Variants in ACER3 observed in about 807,000 individuals in gnomAD.
ACER3 encodes the protein alkaline ceramidase 3, also known as alkCDase 3.
ACER3 carries 16 observed loss-of-function variants against 48.9 expected under a neutral mutation model. The ratio of observed to expected loss-of-function variants is 0.33; its 90% CI spans 0.22 to 0.50. The LOEUF (loss-of-function observed/expected upper bound fraction) is 0.50. ACER3 is among the 20% of genes least tolerant of loss of function. The pLI, the probability that ACER3 is intolerant of heterozygous loss-of-function variation, is 0.98. For missense variants in ACER3, 227 were observed against 326.0 expected (o/e 0.70, Z 2.34); for synonymous variants, 109 against 107.8 (o/e 1.01, Z -0.07).
At chr11:76,900,290 C>G (rs905066179) in intron 1 of ACER3, among the ~76,000 whole-genome samples, 1 of 152,120 alleles carries the variant, frequency 6.6e-6, no homozygotes, top group African/African-American at 2.4e-5. Context: ...GGTCCTGTCT[C>G]AGGGGTGGCA....
At chr11:76,881,144 G>T (rs1945514444) in intron 1 of ACER3, among the ~76,000 whole-genome samples, 1 of 151,776 alleles carries the variant, frequency 6.6e-6, no homozygotes. Context: ...AGTCCCAGCT[G>T]CTTGGGAGGC....
rs1949471434 is a variant in ACER3, at chr11:77,021,483, A to C, written c.*1156A>C. ...CTAATTTGCATTTGAATGTATAACA[A>C]ATTGCATCACTTTTCACAAACTTAA... is the stretch of plus-strand genomic sequence containing the variant. On this transcript the variant is annotated 3_prime_UTR_variant, in exon 11 of 11. Transcript: ENST00000532485. The C allele has an allele frequency of 6.6e-6, 1 of 152,182 alleles. No homozygotes were observed. Among genetic ancestry groups the C allele is most frequent in the Admixed American group, 6.5e-5 (1 of 15,280 alleles). The allele number at this position is 152,182 out of a possible 1,614,324, so 9.4% of individuals were successfully genotyped here.
chr11:76,885,865 C>T lies in ACER3; in HGVS notation c.103+24786C>T, dbSNP rs182168765. On this transcript the variant is annotated intron_variant, in intron 1 of 10. Transcript: ENST00000532485. The stretch of plus-strand genomic sequence containing the variant: ...AGCAATTCCACCAGGGTAAGCAAGG[C>T]CCCAGATGCCAAAGCGTAAAATACA... Among the ~76,000 whole-genome samples, 3 of 152,200 alleles carry T rather than the reference C, an allele frequency of 2.0e-5. No individual in the cohort carries two copies. The East Asian group carries it at 5.8e-4, about 29-fold the overall frequency.
chr11:76,886,696 T>C (rs1945680440), intron 1 of ACER3, among the ~76,000 whole-genome samples: 1 of 152,172 alleles, frequency 6.6e-6, no homozygotes, highest in Non-Finnish European at 1.5e-5. Context: ...TGTTATTGTT[T>C]TTGAGACAGA....
intron 2 of ACER3, among the ~76,000 whole-genome samples, chr11:76,936,440 T>G (rs1313456128): frequency 2.6e-5 from 4 of 152,114 alleles, no homozygotes; most frequent in Non-Finnish European, 4.4e-5. Context: ...TTCCAACTAC[T>G]AGGAGAAAAC....
chr11:76,932,445 GA>G (rs1947032091), intron 2 of ACER3, among the ~76,000 whole-genome samples: 1 of 152,204 alleles, frequency 6.6e-6, no homozygotes, highest in Non-Finnish European at 1.5e-5. Flanking sequence ...TGCATTTTAA[GA>G]AAGTTACTTG....
At position 76,872,905 on chromosome 11, in the gene ACER3, C is replaced by CTTTT. The variant is rs756362938; in HGVS notation, c.103+11828_103+11831dup. 8.1e-4 allele frequency among the ~76,000 whole-genome samples: 77 copies of CTTTT among 94,566 alleles called. 8 individuals carry two copies. The highest frequency in any genetic ancestry group is 1.6e-3 in the African/African-American group (39 of 23,732). The allele number at this position is 94,566 out of a possible 152,430, so 62.0% of individuals were successfully genotyped here. A position where few individuals can be genotyped will look rare whatever the true frequency, so the allele number is the denominator to read the frequency against. ...TCTTTTCTTTCTTTCTTTCTTTTTT[C>CTTTT]TTTTTCTTTTTTTTTTTTTTTTTTG... On this transcript the variant is annotated intron_variant, in intron 1 of 10. Coordinates refer to ENST00000532485, the MANE Select transcript of ACER3 (RefSeq NM_018367.7).
chr11:76,947,191 C>T (rs1258394232), intron 2 of ACER3, among the ~76,000 whole-genome samples: 1 of 152,168 alleles, frequency 6.6e-6, no homozygotes, highest in East Asian at 1.9e-4. Flanking sequence ...TCCCTCTTTT[C>T]CTTCACAGTG....
At chr11:76,996,425 TA>T (rs199595977) in intron 6 of ACER3, among the ~76,000 whole-genome samples, 16 of 140,586 alleles carry the variant, frequency 1.1e-4, no homozygotes, top group African/African-American at 3.2e-4. Flanking sequence ...TTATTATTAT[TA>T]TTATTTTTTG....
At chr11:77,011,751 A>G (rs181833541) in intron 7 of ACER3, among the ~76,000 whole-genome samples, 265 of 152,330 alleles carry the variant, frequency 1.7e-3, no homozygotes, top group African/African-American at 5.9e-3. Context: ...GCCATTCACC[A>G]TATTTAAAAA....
intron 7 of ACER3, among the ~76,000 whole-genome samples, chr11:77,014,315 T>C (rs1949325320): frequency 6.6e-6 from 1 of 152,216 alleles, no homozygotes; most frequent in Non-Finnish European, 1.5e-5. Context: ...TATCACTCCT[T>C]ATCAGGCCTT....
chr11:76,996,653 C>G (rs924746632), intron 6 of ACER3, among the ~76,000 whole-genome samples: 1 of 151,270 alleles, frequency 6.6e-6, no homozygotes, highest in Non-Finnish European at 1.5e-5. Context: ...CTCCTAACCT[C>G]AGGTGATCCA....
intron 1 of ACER3, among the ~76,000 whole-genome samples, chr11:76,908,928 G>C (rs1482485044): frequency 3.3e-5 from 5 of 151,552 alleles, no homozygotes; most frequent in South Asian, 2.1e-4. Context: ...CAGATATATA[G>C]ACCAATGGAA....
chr11:76,970,895 A>G (rs1289515494), intron 3 of ACER3, among the ~76,000 whole-genome samples: 2 of 152,116 alleles, frequency 1.3e-5, no homozygotes, highest in African/African-American at 4.8e-5. Context: ...ACTCCCTCCA[A>G]CAACCCCTGA....
Position 76,986,549 on chromosome 11 carries a change from A to G in ACER3, c.402+825A>G, listed in dbSNP as rs753710890. Among the ~76,000 whole-genome samples the G allele has an allele frequency of 4.1e-4, 62 of 152,342 alleles. 1 individual carries two copies. The highest frequency in any genetic ancestry group is 7.1e-4 in the Non-Finnish European group (48 of 68,032). On this transcript the variant is annotated intron_variant, in intron 5 of 10. Coordinates refer to ENST00000532485, the MANE Select transcript of ACER3 (RefSeq NM_018367.7). ...AGAGAACTTTGAAACAACATAGTGA[A>G]CTACCATTTTCAATCACTTACTATA... is the stretch of plus-strand genomic sequence containing the variant.
intron 1 of ACER3, among the ~76,000 whole-genome samples, chr11:76,923,334 T>C (rs12277580): frequency 3.3e-5 from 5 of 152,182 alleles, no homozygotes; most frequent in East Asian, 1.9e-4. Flanking sequence ...TCCTTCTGCA[T>C]TGAACTTCCA....
intron 2 of ACER3, among the ~76,000 whole-genome samples, chr11:76,957,169 A>G (rs534938101): frequency 2.1e-4 from 32 of 152,266 alleles, no homozygotes; most frequent in African/African-American, 7.7e-4. Flanking sequence ...CCATTAGACT[A>G]TATGTTTCAT....
At chr11:76,971,510 T>G (rs1001661398) in intron 3 of ACER3, among the ~76,000 whole-genome samples, 12 of 150,984 alleles carry the variant, frequency 7.9e-5, no homozygotes, top group Non-Finnish European at 1.5e-4. Flanking sequence ...ACTGCACTCC[T>G]CCTGGTGACA....
intron 1 of ACER3, among the ~76,000 whole-genome samples, chr11:76,923,603 G>T (rs12282269): frequency 0.021 from 3,229 of 152,194 alleles, 115 homozygotes; most frequent in African/African-American, 0.074. Flanking sequence ...AGTATAAATA[G>T]TCTTGAATTT....
Sources: gnomAD v4.1 joint callset for allele counts (sites outside exome capture counted in the v4.1 genomes callset) on GRCh38, gnomAD v4.1.1 for gene constraint, MANE v1.5 for transcripts, NCBI Gene and HGNC (gene_info 2026-07-23, HGNC 2026-07-21) for gene names.